PHACTR3: variants seen among roughly 807,000 people sequenced by gnomAD.
PHACTR3 encodes protein phosphatase 1, regulatory subunit 123.
Under a neutral mutation model 66.8 loss-of-function variants are expected in PHACTR3, and 16 were observed. That is an observed-to-expected ratio of 0.24 (90% CI 0.16 to 0.36). PHACTR3 has a LOEUF of 0.36. Among genes scored for constraint, PHACTR3 ranks in the 10% least tolerant of loss-of-function variants. PHACTR3 has a pLI of 1.00. For synonymous variants in PHACTR3, 323 were observed against 292.1 expected (o/e 1.11, Z -1.08); for missense variants, 647 against 719.9 (o/e 0.90, Z 1.16).
chr20:59,704,758 A>G (rs1447572743), intron 1 of PHACTR3, among the ~76,000 whole-genome samples: 2 of 149,510 alleles, frequency 1.3e-5, no homozygotes, highest in African/African-American at 2.5e-5. Context: ...CTCCTTTATT[A>G]TATTTTTTTC....
intron 1 of PHACTR3, chr20:59,676,647 C>T (rs2036459086): frequency 2.0e-6 from 2 of 980,692 alleles, no homozygotes; most frequent in African/African-American, 1.8e-5. Flanking sequence ...TGTGAGGGCT[C>T]TTTGCCAATC....
At chr20:59,783,720 G>A (rs2040808754) in intron 7 of PHACTR3, among the ~76,000 whole-genome samples, 1 of 152,224 alleles carries the variant, frequency 6.6e-6, no homozygotes, top group Non-Finnish European at 1.5e-5. Context: ...ACTGCCCTGG[G>A]TGCTGTGGAC....
At chr20:59,777,865 G>A (rs752778247) in intron 7 of PHACTR3, among the ~76,000 whole-genome samples, 11 of 152,094 alleles carry the variant, frequency 7.2e-5, no homozygotes, top group Non-Finnish European at 1.6e-4. Flanking sequence ...CCCTCCAGCC[G>A]ATGGCCCCTG....
At chr20:59,692,163 G>A (rs1329616382) in intron 1 of PHACTR3, among the ~76,000 whole-genome samples, 1 of 152,174 alleles carries the variant, frequency 6.6e-6, no homozygotes, top group East Asian at 1.9e-4. Context: ...ATCTTGTGGG[G>A]AAAATCTTAC....
chr20:59,663,381 C>A (rs963637086), intron 1 of PHACTR3, among the ~76,000 whole-genome samples: 11 of 152,108 alleles, frequency 7.2e-5, no homozygotes, highest in African/African-American at 2.7e-4. Context: ...GAGGACAGAC[C>A]GACGCCAGCA....
chr20:59,781,830 G>A (rs1213320718), intron 7 of PHACTR3, among the ~76,000 whole-genome samples: 3 of 152,110 alleles, frequency 2.0e-5, no homozygotes, highest in African/African-American at 7.2e-5. Context: ...CAAGCACAGG[G>A]GGGTTCTAGT....
chr20:59,804,267 G>A (rs1293980993), intron 7 of PHACTR3, among the ~76,000 whole-genome samples: 1 of 152,142 alleles, frequency 6.6e-6, no homozygotes. Flanking sequence ...CACACAGAGT[G>A]AGTTTTCATT....
chr20:59,615,583 C>T (rs1398235742), intron 1 of PHACTR3, among the ~76,000 whole-genome samples: 2 of 152,216 alleles, frequency 1.3e-5, no homozygotes, highest in African/African-American at 4.8e-5. Flanking sequence ...TTCTCCAGAC[C>T]TCCGTGGCCC....
At chr20:59,810,567 G>T (rs958389505) in intron 8 of PHACTR3, among the ~76,000 whole-genome samples, 12 of 152,156 alleles carry the variant, frequency 7.9e-5, no homozygotes, top group Non-Finnish European at 1.3e-4. Context: ...TCAGCCTCTG[G>T]TTGCCATGGC....
intron 1 of PHACTR3, among the ~76,000 whole-genome samples, chr20:59,695,754 A>G (rs561972714): frequency 6.7e-6 from 1 of 150,180 alleles, no homozygotes; most frequent in African/African-American, 2.5e-5. Context: ...TTTATTTGAG[A>G]TGGAGTCTCA....
intron 8 of PHACTR3, among the ~76,000 whole-genome samples, chr20:59,822,428 G>T (rs969025726): frequency 6.6e-6 from 1 of 150,744 alleles, no homozygotes; most frequent in Non-Finnish European, 1.5e-5. Context: ...CAGCAGGCGT[G>T]GGGGAGGGGA....
At position 59,774,369 on chromosome 20, in the gene PHACTR3, C is replaced by T. The variant is rs947822006; in HGVS notation, c.1053C>T (p.Asn351=). 3.7e-6 allele frequency: 6 copies of T among 1,614,074 alleles called. No homozygotes were observed. In the African/African-American group the frequency reaches 8.0e-5, roughly 22 times the overall value. The change falls in exon 7 of 13, where the codon AAC becomes AAT. Residue 351 remains asparagine, a synonymous_variant. Coordinates refer to ENST00000371015, the MANE Select transcript of PHACTR3 (RefSeq NM_080672.5). ...GGAGCTTTGACGGGGCATTGGAGAA[C>T]AAGCGAACTGCCGCTAAGGAATCTG... ...EAWSFDGALE[N]KRTAAKESEE...
At chr20:59,768,399 G>T (rs1366184433) in intron 5 of PHACTR3, among the ~76,000 whole-genome samples, 1 of 152,184 alleles carries the variant, frequency 6.6e-6, no homozygotes, top group Non-Finnish European at 1.5e-5. Flanking sequence ...GCCATTTGCT[G>T]GGTAGGCACG....
At chr20:59,746,795 G>T (rs1174957820) in intron 2 of PHACTR3, among the ~76,000 whole-genome samples, 1 of 152,222 alleles carries the variant, frequency 6.6e-6, no homozygotes, top group Non-Finnish European at 1.5e-5. Flanking sequence ...CAGGCCCTGG[G>T]GTGGAAATGA....
At chr20:59,814,293 G>GACGGCAGAGCTGGTGAGGATGA (rs2041826645) in intron 8 of PHACTR3, among the ~76,000 whole-genome samples, 1 of 152,238 alleles carries the variant, frequency 6.6e-6, no homozygotes, top group Non-Finnish European at 1.5e-5. Flanking sequence ...CTGCAGAGAG[G>GACGGCAGAGCTGGTGAGGATGA]ACGGCAGAGC....
chr20:59,635,139 C>CTTTTTCTT (rs1555881145), intron 1 of PHACTR3, among the ~76,000 whole-genome samples: 1 of 71,054 alleles, frequency 1.4e-5, no homozygotes, highest in Non-Finnish European at 2.8e-5. Flanking sequence ...TTCTTTCTTT[C>CTTTTTCTT]TTTCTTTCTT....
intron 8 of PHACTR3, among the ~76,000 whole-genome samples, chr20:59,833,768 C>A (rs1036910966): frequency 9.2e-5 from 14 of 152,090 alleles, no homozygotes; most frequent in Middle Eastern, 3.2e-3. Flanking sequence ...TTTACCAAGG[C>A]AGTTATAGGT....
At chr20:59,822,999 G>C (rs1278638774) in intron 8 of PHACTR3, among the ~76,000 whole-genome samples, 1 of 152,224 alleles carries the variant, frequency 6.6e-6, no homozygotes, top group Non-Finnish European at 1.5e-5. Flanking sequence ...ACAATGCTCA[G>C]CGTCCAAGGA....
At chr20:59,739,752 A>C (rs140890744) in intron 1 of PHACTR3, among the ~76,000 whole-genome samples, 5 of 152,182 alleles carry the variant, frequency 3.3e-5, no homozygotes, top group Non-Finnish European at 2.9e-5. Flanking sequence ...GCACTCTATT[A>C]GTAATGCCTG....
Sources: gnomAD v4.1 joint callset for allele counts (sites outside exome capture counted in the v4.1 genomes callset) on GRCh38, gnomAD v4.1.1 for gene constraint, MANE v1.5 for transcripts, NCBI Gene and HGNC (gene_info 2026-07-23, HGNC 2026-07-21) for gene names.